Variants in INKA2 observed in about 807,000 individuals in gnomAD.
INKA2 encodes the protein inka box actin regulator 2.
A neutral mutation model predicts 9.8 loss-of-function variants in INKA2; 3 were observed. The observed-to-expected ratio is 0.31, with a 90% CI of 0.14 to 0.79. The LOEUF is 0.79. INKA2 is among the 30% of genes least tolerant of loss of function. The pLI, the probability that INKA2 is intolerant of heterozygous loss-of-function variation, is 0.62. For synonymous variants in INKA2, 147 were observed against 143.3 expected (o/e 1.03, Z -0.18); for missense variants, 392 against 384.4 (o/e 1.02, Z -0.17).
At chr1:111,753,755 G>C (rs1007231333) in intron 1 of INKA2, 3 of 152,180 alleles carry the variant, frequency 2.0e-5, no homozygotes, top group Non-Finnish European at 2.9e-5. Flanking sequence ...GGAGGGCCTA[G>C]GATGACAAAA....
At chr1:111,742,935 G>T (rs1160407325), upstream of INKA2, among the ~76,000 whole-genome samples, 1 of 152,224 alleles carries the variant, frequency 6.6e-6, no homozygotes, top group Admixed American at 6.5e-5. Context: ...GTGTGTGTTG[G>T]GGGGCAGTCT....
At chr1:111,748,838 TTAC>T (rs1189668536) in intron 1 of INKA2, among the ~76,000 whole-genome samples, 2 of 152,130 alleles carry the variant, frequency 1.3e-5, no homozygotes, top group African/African-American at 2.4e-5. Flanking sequence ...ACAGTGACAA[TTAC>T]TTCTTCTTTC....
upstream of INKA2, among the ~76,000 whole-genome samples, chr1:111,741,887 TG>T (rs1316575142): frequency 1.3e-5 from 2 of 152,090 alleles, no homozygotes; most frequent in African/African-American, 4.8e-5. Flanking sequence ...GGCTAATTTT[TG>T]TATTTTTAGT....
intron 1 of INKA2, among the ~76,000 whole-genome samples, chr1:111,734,570 CTT>C (rs1662974517): frequency 1.3e-5 from 2 of 152,154 alleles, no homozygotes; most frequent in South Asian, 4.1e-4. Context: ...AGGCCAGACT[CTT>C]TAGCATGACA....
In INKA2 at chr1:111,727,737, T is replaced by C. The variant is rs1458040052; in HGVS notation, c.125A>G (p.Glu42Gly). The change falls in exon 2 of 2, where the codon GAA (glutamate) becomes GGA (glycine). Residue 42 changes from glutamate (E) to glycine (G), a missense_variant. Glu to Gly is a moderately conservative substitution (Grantham distance 98). Transcript: ENST00000357260. Reference sequence around the variant, plus strand: ...TGTCTGCACCTGGAGGAGCTTCAGTTCTTGCAGTGCACCCATCATGCAGTT... The same window carrying C: ...TGTCTGCACCTGGAGGAGCTTCAGTCCTTGCAGTGCACCCATCATGCAGTT... Reference protein sequence around the residue: ...QMNCMMGALQELKLLQVQTAL... With the variant: ...QMNCMMGALQGLKLLQVQTAL... 6.2e-7 allele frequency: 1 copy of C among 1,613,608 alleles called. No individual in the cohort carries two copies. Among genetic ancestry groups the C allele is most frequent in the Non-Finnish European group, 8.5e-7 (1 of 1,180,020 alleles).
chr1:111,723,376 C>A lies in INKA2; in HGVS notation c.*3592G>T. 4 of 438,150 alleles carry A rather than the reference C, an allele frequency of 9.1e-6. No individual in the cohort carries two copies. The South Asian group carries it at 2.0e-4, about 22-fold the overall frequency. 27.1% of individuals were successfully genotyped at this position (438,150 alleles called of 1,614,324 possible). On this transcript the variant is annotated 3_prime_UTR_variant, in exon 2 of 2. Coordinates refer to ENST00000357260, the MANE Select transcript of INKA2 (RefSeq NM_019099.5). ...CTGAGGGAGAGGGAAAAGAGAGGTC[C>A]CAAGTCTGAAAGGTTGGGAAGAGAA...
At chr1:111,742,235 G>A (rs1043753960), upstream of INKA2, among the ~76,000 whole-genome samples, 1 of 152,166 alleles carries the variant, frequency 6.6e-6, no homozygotes, top group Non-Finnish European at 1.5e-5. Flanking sequence ...CTGGGCATCA[G>A]TTTCCCCTGC....
chr1:111,727,459 G>A lies in INKA2; in HGVS notation c.403C>T (p.Arg135Ter), dbSNP rs145067004. 83 of 1,614,094 alleles carry A rather than the reference G, an allele frequency of 5.1e-5. 2 individuals are homozygous for A. Among genetic ancestry groups the A allele is most frequent in the Non-Finnish European group, 6.3e-5 (74 of 1,180,064 alleles). Residue 135 changes from arginine to a stop codon, truncating the protein, a stop_gained, in exon 2 of 2, where the codon CGA becomes TGA. Coordinates refer to ENST00000357260, the MANE Select transcript of INKA2 (RefSeq NM_019099.5). LOFTEE classifies it high-confidence loss of function. ...GAGGTCCAGTCATCCGGTTCCACTC[G>A]CTCTGGCCCCTGCTGAGCACAGCTT... ...HQSCAQQGPERVEPDDWTSTL... is the reference protein window; with the variant it reads ...HQSCAQQGPE
intron 1 of INKA2, among the ~76,000 whole-genome samples, chr1:111,750,992 GT>G (rs1663396296): frequency 6.6e-6 from 1 of 152,256 alleles, no homozygotes; most frequent in South Asian, 2.1e-4. Context: ...ACTGTTCTCT[GT>G]GCCTAGAATA....
chr1:111,738,210 G>C (rs1663048248), intron 1 of INKA2, among the ~76,000 whole-genome samples: 1 of 152,252 alleles, frequency 6.6e-6, no homozygotes, highest in Non-Finnish European at 1.5e-5. Context: ...AGTGGAAGGA[G>C]AGATGGGCAA....
Position 111,726,517 on chromosome 1 carries a change from A to G in INKA2, c.*451T>C, listed in dbSNP as rs11809456. The G allele has an allele frequency of 0.081, 15,812 of 195,732 alleles. 877 individuals carry two copies. Among genetic ancestry groups the G allele is most frequent in the Non-Finnish European group, 0.11 (10,606 of 95,900 alleles). The allele number at this position is 195,732 out of a possible 1,614,324, so 12.1% of individuals were successfully genotyped here. ...AAGCTGACAGAAGGTTGGGAGAGCCATAGACAGGTCTTTATTTGGGGGCCT... is the reference window on the plus strand; with the variant it reads ...AAGCTGACAGAAGGTTGGGAGAGCCGTAGACAGGTCTTTATTTGGGGGCCT... On this transcript the variant is annotated 3_prime_UTR_variant, in exon 2 of 2. Transcript: ENST00000357260.
rs1663086922 is a variant in INKA2, at chr1:111,739,320, C to T, written c.-78G>A. ...GCCCCACTGGAAACTGCGCTCCGGGCCGGCTCCCCGCCCCTGCGCCCGTAG... is the reference window on the plus strand; with the variant it reads ...GCCCCACTGGAAACTGCGCTCCGGGTCGGCTCCCCGCCCCTGCGCCCGTAG... On this transcript the variant is annotated 5_prime_UTR_variant, in exon 1 of 2. Transcript: ENST00000357260. 2 of 1,589,412 alleles carry T rather than the reference C, an allele frequency of 1.3e-6. No individual in the cohort carries two copies. The highest frequency in any genetic ancestry group is 2.3e-5 in the East Asian group (1 of 43,102).
chr1:111,726,224 A>G lies in INKA2; in HGVS notation c.*744T>C, dbSNP rs147126282. On this transcript the variant is annotated 3_prime_UTR_variant, in exon 2 of 2. Transcript: ENST00000357260. ...CCTGCCTCGCTCACTTTCAAATGAGACCATGGAGATGAAAAGGCATTCAAA... is the reference window on the plus strand; with the variant it reads ...CCTGCCTCGCTCACTTTCAAATGAGGCCATGGAGATGAAAAGGCATTCAAA... The G allele has an allele frequency of 1.9e-3, 767 of 393,900 alleles. 4 individuals are homozygous for G. The highest frequency in any genetic ancestry group is 0.015 in the African/African-American group (723 of 48,616). The allele number at this position is 393,900 out of a possible 1,614,324, so 24.4% of individuals were successfully genotyped here. A position where few individuals can be genotyped will look rare whatever the true frequency, so the allele number is the denominator to read the frequency against.
Position 111,725,085 on chromosome 1 carries a change from C to T in INKA2, c.*1883G>A, listed in dbSNP as rs575028711. 3.3e-5 allele frequency: 5 copies of T among 152,300 alleles called. No homozygotes were observed. Among genetic ancestry groups the T allele is most frequent in the African/African-American group, 1.2e-4 (5 of 41,548 alleles). The allele number at this position is 152,300 out of a possible 1,614,324, so 9.4% of individuals were successfully genotyped here. A position where few individuals can be genotyped will look rare whatever the true frequency, so the allele number is the denominator to read the frequency against. On this transcript the variant is annotated 3_prime_UTR_variant, in exon 2 of 2. Transcript: ENST00000357260. Reference sequence around the variant, plus strand: ...GGTAGGATTTGAGAGTGACCCTAACCACCGCGGCTGCGCCCCCATAATCCC... The same window carrying T: ...GGTAGGATTTGAGAGTGACCCTAACTACCGCGGCTGCGCCCCCATAATCCC...
chr1:111,737,350 A>G (rs1663028150), intron 1 of INKA2, among the ~76,000 whole-genome samples: 1 of 151,956 alleles, frequency 6.6e-6, no homozygotes, highest in Non-Finnish European at 1.5e-5. Context: ...TCCTCCCCTC[A>G]CCACCTCCCA....
At chr1:111,733,061 G>A (rs1394740221) in intron 1 of INKA2, among the ~76,000 whole-genome samples, 2 of 152,160 alleles carry the variant, frequency 1.3e-5, no homozygotes, top group Non-Finnish European at 2.9e-5. Flanking sequence ...ATATCCCCAA[G>A]TAATGGATTA....
At position 111,727,413 on chromosome 1, in the gene INKA2, C is replaced by T. The variant is rs773915828; in HGVS notation, c.449G>A (p.Arg150Gln). The change falls in exon 2 of 2, where the codon CGG (arginine) becomes CAG (glutamine). Residue 150 changes from arginine to glutamine, a missense_variant. Transcript: ENST00000357260. Reference sequence around the variant, plus strand: ...CCCTAACACCAGAGGCTGTCGATTCCGGCCCCGGGACATCAACGTGGAGGT... The same window carrying T: ...CCCTAACACCAGAGGCTGTCGATTCTGGCCCCGGGACATCAACGTGGAGGT... The part of the protein sequence containing the change: ...DWTSTLMSRG[R>Q]NRQPLVLGDN... 6.3e-5 allele frequency: 102 copies of T among 1,613,972 alleles called. No homozygotes were observed. The highest frequency in any genetic ancestry group is 1.9e-4 in the African/African-American group (14 of 74,930).
chr1:111,755,723 C>A (rs1224756979), exon 1 of INKA2: 2 of 1,613,934 alleles, frequency 1.2e-6, no homozygotes, highest in Non-Finnish European at 1.7e-6. Flanking sequence ...CTTTCCTCTC[C>A]TCCCTCTTGG....
chr1:111,723,550 T>G lies in INKA2; in HGVS notation c.*3418A>C. On this transcript the variant is annotated 3_prime_UTR_variant, in exon 2 of 2. Transcript: ENST00000357260. ...TACCTGCCAGGGAAGTGGGGCAGGGTGGGGTGGGGCTACATGTCAGGGAGG... is the reference window on the plus strand; with the variant it reads ...TACCTGCCAGGGAAGTGGGGCAGGGGGGGGTGGGGCTACATGTCAGGGAGG... 1.7e-5 allele frequency: 3 copies of G among 172,510 alleles called. No homozygotes were observed. Among genetic ancestry groups the G allele is most frequent in the East Asian group, 1.5e-4 (1 of 6,686 alleles). The allele number at this position is 172,510 out of a possible 1,614,324, so 10.7% of individuals were successfully genotyped here.
Sources: gnomAD v4.1 joint callset for allele counts (sites outside exome capture counted in the v4.1 genomes callset) on GRCh38, gnomAD v4.1.1 for gene constraint, MANE v1.5 for transcripts, NCBI Gene and HGNC (gene_info 2026-07-23, HGNC 2026-07-21) for gene names.